Variants in PLEKHG7 observed in about 807,000 individuals in gnomAD.
PLEKHG7 encodes pleckstrin homology domain-containing family G member 7.
PLEKHG7 carries 77 observed loss-of-function variants against 85.2 expected under a neutral mutation model. That is an observed-to-expected ratio of 0.90 (90% confidence interval 0.75 to 1.09). The LOEUF is 1.09. PLEKHG7 is among the 50% of genes least tolerant of loss of function. PLEKHG7 has a pLI of 0.00. For synonymous variants in PLEKHG7, 301 were observed against 302.4 expected, an observed-to-expected ratio of 1.00 and a Z score of 0.05; for missense variants, 777 against 804.3, an observed-to-expected ratio of 0.97 and a Z score of 0.41.
chr12:92,743,790 C>A (rs887529524), intron 9 of PLEKHG7, among the ~76,000 whole-genome samples: 3 of 152,158 alleles, frequency 2.0e-5, no homozygotes, highest in Admixed American at 6.5e-5. Context: ...GAACTCCTGA[C>A]CTCAGGTGAT....
chr12:92,746,504 T>C (rs1181282735), intron 10 of PLEKHG7, among the ~76,000 whole-genome samples: 1 of 152,216 alleles, frequency 6.6e-6, no homozygotes, highest in Admixed American at 6.5e-5. Flanking sequence ...TTTAGTGTTT[T>C]TTTTGCTACT....
chr12:92,735,419 C>T (rs1872115042), intron 5 of PLEKHG7, among the ~76,000 whole-genome samples: 1 of 152,168 alleles, frequency 6.6e-6, no homozygotes. Context: ...CAGGGAGCCC[C>T]CTACCTGCAA....
In PLEKHG7 at chr12:92,706,797, A is replaced by G; in HGVS notation, c.166A>G (p.Thr56Ala). The G allele has an allele frequency of 1.9e-6, 3 of 1,613,914 alleles. No homozygotes were observed. Among genetic ancestry groups the G allele is most frequent in the Non-Finnish European group, 2.5e-6 (3 of 1,179,996 alleles). The part of the protein sequence containing the change: ...STSPTLRRLR[T>A]RGCGTRQDAW... ...CTCGCCCACTTTGAGGAGATTAAGG[A>G]CCCGTGGCTGTGGGACAAGGCAGGA... is the stretch of plus-strand genomic sequence containing the variant. Residue 56 changes from threonine (T) to alanine (A), a missense_variant, in exon 2 of 17, where the codon ACC (threonine) becomes GCC (alanine). Transcript: ENST00000344636.
rs1259666127 is a variant in PLEKHG7 at position 92,764,098 on chromosome 12, G to A, written c.1774G>A (p.Ala592Thr). The A allele has an allele frequency of 6.2e-7, 1 of 1,613,076 alleles. No homozygotes were observed. Among genetic ancestry groups the A allele is most frequent in the African/African-American group, 1.3e-5 (1 of 74,962 alleles). ...TCCTTCTCTTACTCCTGAGTTGCAA[G>A]CAGTAATAAAAGAGGGTGGTTCGTG... is the stretch of plus-strand genomic sequence containing the variant. The part of the protein sequence containing the change: ...MCPSLTPELQ[A>T]VIKEGGSCTV... Residue 592 changes from alanine (A) to threonine (T), a missense_variant, in exon 15 of 17, where the codon GCA becomes ACA. Around this residue, in one of 3 missense-constraint regions of PLEKHG7, gnomAD observed 520 missense variants for 544.0 expected, o/e 0.96. Transcript: ENST00000344636.
intron 16 of PLEKHG7, among the ~76,000 whole-genome samples, chr12:92,769,808 T>C (rs1462279971): frequency 1.3e-5 from 2 of 152,244 alleles, no homozygotes; most frequent in Non-Finnish European, 2.9e-5. Flanking sequence ...TGCTCATTTT[T>C]CTAATGAGTT....
At chr12:92,707,582 A>C in intron 2 of PLEKHG7, 68 bp from the exon 3 acceptor site, 2 of 1,580,848 alleles carry the variant, frequency 1.3e-6, no homozygotes, top group Non-Finnish European at 1.7e-6. Flanking sequence ...TCCTTTCAAC[A>C]TGTTTGCTTT....
chr12:92,762,827 G>C (rs1002685841), intron 14 of PLEKHG7, among the ~76,000 whole-genome samples: 4 of 152,120 alleles, frequency 2.6e-5, no homozygotes. Flanking sequence ...ATGGCATGTT[G>C]GTTAGTTGAG....
intron 3 of PLEKHG7, among the ~76,000 whole-genome samples, chr12:92,709,813 C>A (rs2136570792): frequency 6.6e-6 from 1 of 152,334 alleles, no homozygotes; most frequent in Middle Eastern, 3.4e-3. Flanking sequence ...AAGGGCCAGG[C>A]AGGCGGATCA....
At chr12:92,708,739 AAACAT>A (rs1446907425) in intron 3 of PLEKHG7, among the ~76,000 whole-genome samples, 1 of 152,204 alleles carries the variant, frequency 6.6e-6, no homozygotes, top group African/African-American at 2.4e-5. Context: ...GGACAAGTAG[AAACAT>A]GCAAGGCCTC....
chr12:92,706,357 A>G, intron 1 of PLEKHG7, 114 bp from the exon 2 acceptor site: 1 of 368,504 alleles, frequency 2.7e-6, no homozygotes, highest in Non-Finnish European at 4.8e-6. Flanking sequence ...ATGTGAACTG[A>G]GCTCTATTGC....
Position 92,706,874 on chromosome 12 carries a change from A to C in PLEKHG7, c.243A>C (p.Pro81=). ...GCTGGGGAGCTCCTGTGGGCTTCCC[A>C]TGTTACCTTTCGAAGAGCCTGCCAG... ...WGSWGAPVGF[P]CYLSKSLPGS... is the part of the protein sequence containing the mutation. Residue 81 remains proline (P), a synonymous_variant, in exon 2 of 17, where the codon CCA becomes CCC. Coordinates refer to ENST00000344636, the MANE Select transcript of PLEKHG7 (RefSeq NM_001377329.1). 6.2e-7 allele frequency: 1 copy of C among 1,613,914 alleles called. No homozygotes were observed. Among genetic ancestry groups the C allele is most frequent in the Non-Finnish European group, 8.5e-7 (1 of 1,179,994 alleles).
intron 4 of PLEKHG7, among the ~76,000 whole-genome samples, chr12:92,730,174 A>G (rs140510826): frequency 6.6e-6 from 1 of 152,310 alleles, no homozygotes; most frequent in African/African-American, 2.4e-5. Context: ...TTATTTTTAC[A>G]GAGCCTTTCA....
intron 1 of PLEKHG7, among the ~76,000 whole-genome samples, chr12:92,706,172 G>A (rs897388869): frequency 5.3e-5 from 8 of 152,190 alleles, no homozygotes; most frequent in Non-Finnish European, 7.4e-5. Context: ...ATAATCACAA[G>A]GGGAGGAGCT....
chr12:92,765,256 A>G (rs1238686957), intron 15 of PLEKHG7, among the ~76,000 whole-genome samples: 3 of 151,588 alleles, frequency 2.0e-5, no homozygotes, highest in South Asian at 4.2e-4. Context: ...GGAGGCCAAC[A>G]TGGTAGGATT....
At chr12:92,726,258 T>C (rs530384122) in intron 3 of PLEKHG7, among the ~76,000 whole-genome samples, 10 of 152,186 alleles carry the variant, frequency 6.6e-5, no homozygotes, top group Non-Finnish European at 1.3e-4. Context: ...AGGACTGGGA[T>C]AGGGAGACTA....
intron 1 of PLEKHG7, among the ~76,000 whole-genome samples, chr12:92,705,302 G>A (rs1470620319): frequency 6.6e-6 from 1 of 152,176 alleles, no homozygotes; most frequent in Non-Finnish European, 1.5e-5. Context: ...TCAACAGAAT[G>A]AGGTCAGGTT....
chr12:92,715,716 CAAAAAAAA>C (rs11331072), intron 3 of PLEKHG7, among the ~76,000 whole-genome samples: 1 of 87,460 alleles, frequency 1.1e-5, no homozygotes, highest in South Asian at 4.7e-4. Flanking sequence ...GTTCTTGCCT[CAAAAAAAA>C]AAAAAAAAAA....
chr12:92,759,815 A>G (rs1259910123), intron 13 of PLEKHG7, among the ~76,000 whole-genome samples: 2 of 152,170 alleles, frequency 1.3e-5, no homozygotes, highest in Admixed American at 1.3e-4. Context: ...CTGGCTGTTC[A>G]CAGGTCTAGT....
chr12:92,764,127 A>C lies in PLEKHG7; in HGVS notation c.1803A>C (p.Thr601=). The change falls in exon 15 of 17, where the codon ACA becomes ACC. Residue 601 remains threonine, a synonymous_variant. Transcript: ENST00000344636. ...TAATAAAAGAGGGTGGTTCGTGTAC[A>C]GTACTCGATCAGCCTATTCCACTAG... ...QAVIKEGGSC[T]VLDQPIPLDR... 1 of 1,612,702 alleles carries C rather than the reference A, an allele frequency of 6.2e-7. No homozygotes were observed. The highest frequency in any genetic ancestry group is 8.5e-7 in the Non-Finnish European group (1 of 1,179,200).
Sources: allele counts gnomAD v4.1 joint callset (sites outside exome capture counted in the v4.1 genomes callset), GRCh38; gene constraint gnomAD v4.1.1; regional missense constraint gnomAD v4.1.1; transcripts MANE v1.5; gene names NCBI Gene and HGNC (gene_info 2026-07-23, HGNC 2026-07-21).